MZT2A: variants seen among roughly 807,000 people sequenced by gnomAD.
MZT2A encodes mitotic spindle organizing protein 2A, also known as mitotic-spindle organizing protein 2A.
MZT2A carries 8 observed loss-of-function variants against 12.4 expected under a neutral mutation model. The ratio of observed to expected loss-of-function variants is 0.64; its 90% CI spans 0.38 to 1.16. MZT2A has a LOEUF of 1.16. Ranked by LOEUF, MZT2A falls within the 50% of genes most tolerant of loss-of-function variation. The pLI, the probability that MZT2A is intolerant of heterozygous loss-of-function variation, is 0.01. For synonymous variants in MZT2A, 88 were observed against 107.5 expected, an observed-to-expected ratio of 0.82 and a Z score of 1.12; for missense variants, 181 against 223.6, an observed-to-expected ratio of 0.81 and a Z score of 1.22.
intron 2 of MZT2A, chr2:131,490,152 G>C (rs1679230209): frequency 1.5e-6 from 1 of 681,540 alleles, no homozygotes; most frequent in Non-Finnish European, 1.8e-6. Context: ...AAGACCCCTG[G>C]GCTCTCACAG....
upstream of MZT2A, chr2:131,492,969 C>T: frequency 6.6e-7 from 1 of 1,525,324 alleles, no homozygotes; most frequent in Non-Finnish European, 8.8e-7. Flanking sequence ...GGCCGGCCGG[C>T]CTTCTTCGCT....
upstream of MZT2A, chr2:131,493,170 G>T: frequency 7.0e-7 from 1 of 1,429,322 alleles, no homozygotes; most frequent in South Asian, 1.5e-5. Context: ...CGCGTGAGAC[G>T]GTCCGACGCC....
intron 2 of MZT2A, among the ~76,000 whole-genome samples, chr2:131,477,662 C>A (rs1372515096): frequency 6.6e-6 from 1 of 151,000 alleles, no homozygotes; most frequent in Non-Finnish European, 1.5e-5. Context: ...CAAGGGTCAG[C>A]CTTCGAGAGC....
At chr2:131,479,312 A>G (rs1356042281), downstream of MZT2A, 2 of 1,613,592 alleles carry the variant, frequency 1.2e-6, no homozygotes, top group Non-Finnish European at 1.7e-6. Flanking sequence ...TTGCAGATGA[A>G]GTGCGCACAG....
At chr2:131,490,719 A>C in intron 2 of MZT2A, 1 of 1,549,656 alleles carries the variant, frequency 6.5e-7, no homozygotes, top group Non-Finnish European at 8.7e-7. Context: ...CAACCTGCAA[A>C]AGGAGAGAAC....
intron 2 of MZT2A, chr2:131,491,347 G>T (rs191910506): frequency 2.5e-5 from 7 of 278,164 alleles, no homozygotes; most frequent in East Asian, 9.6e-5. Context: ...GGGCCCAGGT[G>T]GGGTAAAGGC....
chr2:131,475,923 C>A (rs1678644836), intron 2 of MZT2A, among the ~76,000 whole-genome samples: 1 of 149,740 alleles, frequency 6.7e-6, no homozygotes, highest in Non-Finnish European at 1.5e-5. Flanking sequence ...GGAAATGCCT[C>A]AGCAACCGCG....
chr2:131,489,056 C>T (rs1218020408), intron 2 of MZT2A, among the ~76,000 whole-genome samples: 2 of 152,182 alleles, frequency 1.3e-5, no homozygotes, highest in African/African-American at 4.8e-5. Flanking sequence ...CGCTCTGCCT[C>T]TCCCATGCCC....
At chr2:131,485,635 C>T (rs1325509454) in intron 2 of MZT2A, among the ~76,000 whole-genome samples, 1 of 152,130 alleles carries the variant, frequency 6.6e-6, no homozygotes, top group Non-Finnish European at 1.5e-5. Flanking sequence ...GGGGCAGTCC[C>T]GTGTGGGAAC....
At chr2:131,482,428 T>C, downstream of MZT2A, 5 of 1,417,190 alleles carry the variant, frequency 3.5e-6, no homozygotes, top group Non-Finnish European at 4.7e-6. Flanking sequence ...CTTAGTGACG[T>C]TTGTGAGGTG....
At chr2:131,473,449 C>G in intron 2 of MZT2A, among the ~76,000 whole-genome samples, 1 of 149,174 alleles carries the variant, frequency 6.7e-6, no homozygotes, top group Non-Finnish European at 1.5e-5. Flanking sequence ...CTCTTCTCTG[C>G]TCTCCTCTCA....
At chr2:131,485,578 T>G (rs1164212134) in intron 2 of MZT2A, among the ~76,000 whole-genome samples, 6 of 152,080 alleles carry the variant, frequency 3.9e-5, no homozygotes, top group Non-Finnish European at 8.8e-5. Context: ...TGGCATTAAG[T>G]GTTTCTTCCT....
At chr2:131,483,778 T>C (rs1334242602), downstream of MZT2A, among the ~76,000 whole-genome samples, 2 of 152,194 alleles carry the variant, frequency 1.3e-5, no homozygotes, top group African/African-American at 2.4e-5. Flanking sequence ...AGCTTGTTGA[T>C]GTCTATTTAT....
upstream of MZT2A, chr2:131,492,791 G>C: frequency 7.6e-7 from 1 of 1,321,998 alleles, no homozygotes; most frequent in Non-Finnish European, 1.0e-6. Context: ...CGGGGGGGGT[G>C]GGGGGCACTA....
chr2:131,490,720 A>T (rs1377939481), intron 2 of MZT2A: 3 of 1,549,496 alleles, frequency 1.9e-6, no homozygotes, highest in African/African-American at 2.7e-5. Flanking sequence ...AACCTGCAAA[A>T]GGAGAGAACA....
intron 3 of MZT2A, among the ~76,000 whole-genome samples, chr2:131,471,481 C>A (rs1704985091): frequency 6.9e-6 from 1 of 145,684 alleles, no homozygotes. Context: ...GAAAAAAGAA[C>A]CTAATTGTGT....
downstream of MZT2A, chr2:131,479,939 C>G (rs1436782589): frequency 1.5e-6 from 2 of 1,342,558 alleles, no homozygotes; most frequent in East Asian, 4.9e-5. Flanking sequence ...TCAAAGTGTA[C>G]TGCATGTTTA....
chr2:131,481,570 G>T (rs1315561027), downstream of MZT2A, among the ~76,000 whole-genome samples: 1 of 151,924 alleles, frequency 6.6e-6, no homozygotes, highest in Non-Finnish European at 1.5e-5. Context: ...AAGTAGCTGG[G>T]ATTACAGGCA....
downstream of MZT2A, among the ~76,000 whole-genome samples, chr2:131,480,909 TC>T (rs199850206): frequency 1.1e-3 from 161 of 151,354 alleles, 1 homozygote; most frequent in African/African-American, 3.3e-3. Context: ...TTCAGTGATT[TC>T]TTTTTTTTTT....
Sources: allele counts gnomAD v4.1 joint callset (sites outside exome capture counted in the v4.1 genomes callset), GRCh38; gene constraint gnomAD v4.1.1; transcripts MANE v1.5; gene names NCBI Gene and HGNC (gene_info 2026-07-23, HGNC 2026-07-21).